The following ATAD2 variants were observed in gnomAD, a reference collection of about 807,000 sequenced individuals.
The protein encoded by ATAD2 is ATPase family AAA domain-containing protein 2.
A neutral mutation model predicts 168.9 loss-of-function variants in ATAD2; 62 were observed. The ratio of observed to expected loss-of-function variants is 0.37; its 90% CI spans 0.30 to 0.45. ATAD2 has a LOEUF of 0.45. Among genes scored for constraint, ATAD2 ranks in the 20% least tolerant of loss-of-function variants. The probability of loss-of-function intolerance (pLI) is 1.00; values close to 1 mark genes in which losing one functional copy is unlikely to be tolerated. For synonymous variants in ATAD2, 613 were observed against 571.6 expected (o/e 1.07, Z -1.03); for missense variants, 1,419 against 1,667.8 (o/e 0.85, Z 2.60).
At chr8:123,398,015 T>C (rs183113546), upstream of ATAD2, among the ~76,000 whole-genome samples, 1 of 152,150 alleles carries the variant, frequency 6.6e-6, no homozygotes, top group East Asian at 1.9e-4. Context: ...AGGGCTTTTA[T>C]TATAGCCCCC....
At chr8:123,332,778 T>C (rs1387571551) in intron 24 of ATAD2, among the ~76,000 whole-genome samples, 1 of 152,188 alleles carries the variant, frequency 6.6e-6, no homozygotes, top group Non-Finnish European at 1.5e-5. Context: ...ACATGTCTTT[T>C]GGTGGACACA....
chr8:123,346,724 C>T lies in ATAD2; in HGVS notation c.2239G>A (p.Asp747Asn), dbSNP rs1381244845. 6.3e-7 allele frequency: 1 copy of T among 1,591,954 alleles called. No homozygotes were observed. The highest frequency in any genetic ancestry group is 1.8e-5 in the Admixed American group (1 of 54,164). ...ACATCATCATCACTGTAAGCCAAGT[C>T]ACTTTCTAGCAGAGGACAAGAAATA... ...SDISCPLLES[D>N]LAYSDDDVPS... The change falls in exon 17 of 28, where the codon GAC becomes AAC. Residue 747 changes from aspartate (D) to asparagine (N), a missense_variant. Asp to Asn is a conservative substitution (Grantham distance 23). This residue lies in a region of ATAD2 where 545 missense variants were observed against 724.9 expected (regional missense o/e 0.75). Coordinates refer to ENST00000287394, the MANE Select transcript of ATAD2 (RefSeq NM_014109.4).
chr8:123,370,324 T>C (rs1048563683), intron 6 of ATAD2, among the ~76,000 whole-genome samples: 1 of 152,130 alleles, frequency 6.6e-6, no homozygotes, highest in African/African-American at 2.4e-5. Flanking sequence ...AGTCTTTCCA[T>C]GAATTTCATT....
rs1813014905 is a variant in ATAD2, at chr8:123,402,449, C to G, written c.-2281-1274G>C. On this transcript the variant is annotated intron_variant, in intron 1 of 28. Transcript: ENST00000521903. The surrounding 1 kb of genome is among the most constrained non-coding windows in gnomAD (Gnocchi z 4.8). ...CCCTCCTGGCTTCTCCTGTAGGGCA[C>G]TTCCCTGCCCCCAGTCCCCCAGGAA... is the stretch of plus-strand genomic sequence containing the variant. 1.3e-5 allele frequency among the ~76,000 whole-genome samples: 2 copies of G among 152,168 alleles called. No homozygotes were observed. The highest frequency in any genetic ancestry group is 6.5e-5 in the Admixed American group (1 of 15,288).
chr8:123,406,328 G>A (rs1312399151), intron 1 of ATAD2, among the ~76,000 whole-genome samples: 1 of 127,452 alleles, frequency 7.8e-6, no homozygotes, highest in Non-Finnish European at 1.5e-5. Flanking sequence ...AGTGAGCCCA[G>A]AAGATCACAC....
chr8:123,377,530 T>C (rs1280534313), intron 2 of ATAD2, among the ~76,000 whole-genome samples: 1 of 152,194 alleles, frequency 6.6e-6, no homozygotes, highest in South Asian at 2.1e-4. Context: ...TAGAAGTTCA[T>C]CTATAAGTTT....
intron 26 of ATAD2, among the ~76,000 whole-genome samples, chr8:123,325,109 T>TC (rs1827575451): frequency 6.8e-6 from 1 of 147,294 alleles, no homozygotes; most frequent in African/African-American, 2.5e-5. Context: ...CTTTTTTTTT[T>TC]TTTTTTTTTG....
At chr8:123,342,667 T>A (rs2131313489) in intron 19 of ATAD2, 1 of 152,250 alleles carries the variant, frequency 6.6e-6, no homozygotes, top group African/African-American at 2.4e-5. Context: ...CCTCCCCCAC[T>A]CAAAGAGTTT....
exon 1 of ATAD2, chr8:123,416,322 A>T (rs1266044691): frequency 6.5e-6 from 1 of 153,792 alleles, no homozygotes; most frequent in Admixed American, 6.5e-5. Flanking sequence ...GCAAAGCGCC[A>T]TTCAGGGCCC....
At chr8:123,412,642 T>C (rs4871365) in intron 1 of ATAD2, among the ~76,000 whole-genome samples, 136,607 of 151,912 alleles carry the variant, frequency 0.9, 61,551 homozygotes, top group East Asian at 0.99. Context: ...GCTGTGTTGC[T>C]TAGGTTGGTC....
intron 18 of ATAD2, among the ~76,000 whole-genome samples, chr8:123,345,337 A>G (rs1828201477): frequency 6.6e-6 from 1 of 152,106 alleles, no homozygotes; most frequent in African/African-American, 2.4e-5. Context: ...AGTAAACAAA[A>G]CTACAAATAT....
intron 1 of ATAD2, among the ~76,000 whole-genome samples, chr8:123,394,971 CAA>C (rs1812760011): frequency 6.6e-6 from 1 of 152,182 alleles, no homozygotes; most frequent in South Asian, 2.1e-4. Context: ...GGGATGCCCA[CAA>C]AAGATACTGG....
At chr8:123,410,432 A>G (rs1248212598) in intron 1 of ATAD2, among the ~76,000 whole-genome samples, 2 of 152,094 alleles carry the variant, frequency 1.3e-5, no homozygotes, top group African/African-American at 4.8e-5. Context: ...GATTACGGGC[A>G]TGCGCCATCA....
intron 26 of ATAD2, among the ~76,000 whole-genome samples, chr8:123,324,812 A>C (rs1013770146): frequency 6.6e-6 from 1 of 152,176 alleles, no homozygotes; most frequent in African/African-American, 2.4e-5. Flanking sequence ...AATTGAATTT[A>C]GGGGAACAGG....
chr8:123,405,427 T>TC (rs56827862), intron 1 of ATAD2, among the ~76,000 whole-genome samples: 8 of 150,980 alleles, frequency 5.3e-5, no homozygotes, highest in African/African-American at 1.9e-4. Context: ...TGGCTTTTTT[T>TC]TTTTCTTTGT....
intron 1 of ATAD2, among the ~76,000 whole-genome samples, chr8:123,412,902 G>A (rs1051980897): frequency 1.3e-5 from 2 of 152,022 alleles, no homozygotes. Flanking sequence ...GCTTAAGAAA[G>A]CTCAAAGCTC....
At chr8:123,401,394 C>A, upstream of ATAD2, 1 of 1,393,942 alleles carries the variant, frequency 7.2e-7, no homozygotes, top group Non-Finnish European at 1.0e-6. Context: ...TAGTCTTGGA[C>A]TTGTCCGAAG....
intron 11 of ATAD2, among the ~76,000 whole-genome samples, chr8:123,358,060 A>G (rs1202900324): frequency 2.0e-5 from 3 of 152,236 alleles, no homozygotes; most frequent in Non-Finnish European, 2.9e-5. Context: ...GGGAAAACGT[A>G]TATTGTAAGG....
intron 4 of ATAD2, 83 bp downstream of exon 4, chr8:123,371,587 T>C (rs1829149684): frequency 4.7e-6 from 6 of 1,270,354 alleles, no homozygotes; most frequent in Non-Finnish European, 6.5e-6. Context: ...ATTAAATGTT[T>C]GGGCTGGTTG....
Sources: allele counts gnomAD v4.1 joint callset (sites outside exome capture counted in the v4.1 genomes callset), GRCh38; gene constraint gnomAD v4.1.1; regional missense constraint gnomAD v4.1.1; non-coding constraint Gnocchi (gnomAD v3.1); transcripts MANE v1.5; gene names NCBI Gene and HGNC (gene_info 2026-07-23, HGNC 2026-07-21).